Variants in CAMKMT observed in about 807,000 individuals in gnomAD.
The protein encoded by CAMKMT is calmodulin-lysine N-methyltransferase.
CAMKMT carries 53 observed loss-of-function variants against 48.0 expected under a neutral mutation model. That is an observed-to-expected ratio of 1.10 (90% CI 0.89 to 1.39). The LOEUF (loss-of-function observed/expected upper bound fraction) is 1.39, where lower values mean the gene tolerates loss of function less well. CAMKMT is among the 40% of genes most tolerant of loss of function. The probability of loss-of-function intolerance (pLI) is 0.00; values close to 1 mark genes in which losing one functional copy is unlikely to be tolerated. For synonymous variants in CAMKMT, 165 were observed against 152.3 expected (o/e 1.08, Z -0.61); for missense variants, 428 against 402.7 (o/e 1.06, Z -0.54).
chr2:44,753,249 CA>C (rs772390371), intron 8 of CAMKMT, among the ~76,000 whole-genome samples: 131 of 65,428 alleles, frequency 2.0e-3, no homozygotes, highest in East Asian at 0.019. Flanking sequence ...CCTGTCCCTA[CA>C]AAAAAAAAAA....
At chr2:44,579,911 A>T (rs1669453938) in intron 3 of CAMKMT, among the ~76,000 whole-genome samples, 1 of 152,220 alleles carries the variant, frequency 6.6e-6, no homozygotes, top group Non-Finnish European at 1.5e-5. Flanking sequence ...TTCTTTTGGA[A>T]AGCCTTTCAT....
At position 44,602,462 on chromosome 2, in the gene CAMKMT, A is replaced by T. The variant is rs377243323; in HGVS notation, c.377-101821A>T. 9.3e-4 allele frequency among the ~76,000 whole-genome samples: 141 copies of T among 152,250 alleles called. 3 individuals carry two copies. In the South Asian group the frequency reaches 0.021, roughly 23 times the overall value. ...ATAATTTTATAGTAAACACACATAT[A>T]TCCACCATTTAGATTTTACAACTAA... is the stretch of plus-strand genomic sequence containing the variant. On this transcript the variant is annotated intron_variant, in intron 3 of 10. Coordinates refer to ENST00000378494, the MANE Select transcript of CAMKMT (RefSeq NM_024766.5).
chr2:44,471,743 G>T (rs1014724990), intron 3 of CAMKMT, among the ~76,000 whole-genome samples: 1 of 152,250 alleles, frequency 6.6e-6, no homozygotes, highest in Middle Eastern at 3.4e-3. Flanking sequence ...GTCTCACTCT[G>T]TTGCCCAGAC....
intron 3 of CAMKMT, among the ~76,000 whole-genome samples, chr2:44,571,343 GA>G: frequency 6.6e-6 from 1 of 152,216 alleles, no homozygotes; most frequent in East Asian, 1.9e-4. Context: ...TTGAGAGAAG[GA>G]AAGAATTTGT....
rs146881846 is a variant in CAMKMT, at chr2:44,734,809, A to G, written c.624-8813A>G. ...ATATATTGGTAAATGGTCTATTTGAAAAGAACATCTGTTCTGCTATTGTTG... is the reference window on the plus strand; with the variant it reads ...ATATATTGGTAAATGGTCTATTTGAGAAGAACATCTGTTCTGCTATTGTTG... On this transcript the variant is annotated intron_variant, in intron 7 of 10. Coordinates refer to ENST00000378494, the MANE Select transcript of CAMKMT (RefSeq NM_024766.5). Among the ~76,000 whole-genome samples the G allele has an allele frequency of 7.2e-5, 11 of 152,350 alleles. No individual in the cohort carries two copies. In the East Asian group the frequency reaches 1.9e-3, roughly 27 times the overall value.
intron 2 of CAMKMT, among the ~76,000 whole-genome samples, chr2:44,373,849 C>T (rs1257528999): frequency 3.3e-5 from 5 of 152,018 alleles, no homozygotes; most frequent in African/African-American, 7.2e-5. Flanking sequence ...GCCGGCTGGG[C>T]GCAGTGGCTC....
chr2:44,439,955 A>G (rs1666543745), intron 3 of CAMKMT, among the ~76,000 whole-genome samples: 1 of 152,078 alleles, frequency 6.6e-6, no homozygotes, highest in South Asian at 2.1e-4. Flanking sequence ...GAAGATAAAT[A>G]TTTTCTACTT....
intron 3 of CAMKMT, among the ~76,000 whole-genome samples, chr2:44,402,327 TAAAAAAAAAAA>T (rs61683632): frequency 8.6e-6 from 1 of 116,448 alleles, no homozygotes; most frequent in African/African-American, 3.2e-5. Flanking sequence ...AGACTCTGTC[TAAAAAAAAAAA>T]AAAAAAAAAA....
chr2:44,413,247 G>A (rs1473657922), intron 3 of CAMKMT, among the ~76,000 whole-genome samples: 3 of 151,982 alleles, frequency 2.0e-5, no homozygotes, highest in Non-Finnish European at 4.4e-5. Flanking sequence ...AGTGTACATT[G>A]TTTCTCTGCT....
intron 3 of CAMKMT, among the ~76,000 whole-genome samples, chr2:44,465,636 CTG>C (rs1464655099): frequency 4.0e-5 from 6 of 150,716 alleles, no homozygotes; most frequent in Non-Finnish European, 8.9e-5. Flanking sequence ...GACAAAATAA[CTG>C]GAAAATATAG....
chr2:44,715,101 G>A (rs1678101156), intron 6 of CAMKMT, among the ~76,000 whole-genome samples, 186 bp from the exon 7 acceptor site: 3 of 151,588 alleles, frequency 2.0e-5, no homozygotes, highest in African/African-American at 7.3e-5. Flanking sequence ...GCTGAGGTGG[G>A]AGGATCACTT....
At chr2:44,496,306 A>G (rs767961391) in intron 3 of CAMKMT, among the ~76,000 whole-genome samples, 17 of 152,192 alleles carry the variant, frequency 1.1e-4, no homozygotes, top group Non-Finnish European at 2.2e-4. Context: ...ATACTATTGC[A>G]CAATATTGTC....
intron 3 of CAMKMT, among the ~76,000 whole-genome samples, chr2:44,471,800 C>A (rs900142034): frequency 2.0e-5 from 3 of 152,008 alleles, no homozygotes; most frequent in African/African-American, 7.2e-5. Context: ...TGTGCCTCAG[C>A]CTCCCGTGTG....
chr2:44,397,772 A>G (rs1681993147), intron 3 of CAMKMT, among the ~76,000 whole-genome samples: 1 of 152,210 alleles, frequency 6.6e-6, no homozygotes, highest in Non-Finnish European at 1.5e-5. Flanking sequence ...TCTATTTGAA[A>G]TAAGAAACCA....
chr2:44,456,102 A>C (rs1667548963), intron 3 of CAMKMT, among the ~76,000 whole-genome samples: 1 of 152,168 alleles, frequency 6.6e-6, no homozygotes, highest in Non-Finnish European at 1.5e-5. Flanking sequence ...TGTGTAATTC[A>C]AATATTTGTT....
chr2:44,758,628 C>T (rs994294860), intron 9 of CAMKMT, among the ~76,000 whole-genome samples: 2 of 152,164 alleles, frequency 1.3e-5, no homozygotes, highest in East Asian at 1.9e-4. Flanking sequence ...GCACATTTTA[C>T]GCATTCCAAG....
At chr2:44,430,772 A>G (rs1051253537) in intron 3 of CAMKMT, among the ~76,000 whole-genome samples, 7 of 152,158 alleles carry the variant, frequency 4.6e-5, no homozygotes, top group African/African-American at 1.4e-4. Flanking sequence ...CTTTACTGTT[A>G]AAAGTAAATG....
In CAMKMT at chr2:44,675,082, G is replaced by C. The variant is rs1573048460; in HGVS notation, c.377-29201G>C. Among the ~76,000 whole-genome samples, 8 of 145,968 alleles carry C rather than the reference G, an allele frequency of 5.5e-5. No individual in the cohort carries two copies. The South Asian group carries it at 1.7e-3, about 32-fold the overall frequency. ...GCTCGGGATTTACCAACCTTAAGGG[G>C]GGGAAAAAAAAAAAGGCAAGCCAGC... is the stretch of plus-strand genomic sequence containing the variant. On this transcript the variant is annotated intron_variant, in intron 3 of 10. Coordinates refer to ENST00000378494, the MANE Select transcript of CAMKMT (RefSeq NM_024766.5).
chr2:44,566,761 G>A (rs1324067883), intron 3 of CAMKMT, among the ~76,000 whole-genome samples: 1 of 152,106 alleles, frequency 6.6e-6, no homozygotes, highest in Non-Finnish European at 1.5e-5. Flanking sequence ...ATGCGTTTGA[G>A]GAATTATGTA....
Sources: allele counts gnomAD v4.1 joint callset (sites outside exome capture counted in the v4.1 genomes callset), GRCh38; gene constraint gnomAD v4.1.1; transcripts MANE v1.5; gene names NCBI Gene and HGNC (gene_info 2026-07-23, HGNC 2026-07-21).